The following DLGAP2 variants were observed in gnomAD, a reference collection of about 807,000 sequenced individuals.
DLGAP2 encodes DLG associated protein 2, also known as disks large-associated protein 2.
In DLGAP2, 26 loss-of-function variants were observed where a neutral mutation model predicts 100.3. The observed-to-expected ratio is 0.26, with a 90% CI of 0.19 to 0.36. DLGAP2 has a LOEUF of 0.36. DLGAP2 is among the 10% of genes least tolerant of loss of function. The pLI is 1.00. For synonymous variants in DLGAP2, 886 were observed against 630.1 expected, an observed-to-expected ratio of 1.41 and a Z score of -6.08; for missense variants, 1,858 against 1,453.2, an observed-to-expected ratio of 1.28 and a Z score of -4.53.
chr8:1,267,586 A>AATAAAATAAAATAAAATAAG (rs1314559316), intron 3 of DLGAP2, among the ~76,000 whole-genome samples: 1 of 48,426 alleles, frequency 2.1e-5, no homozygotes, highest in Non-Finnish European at 4.6e-5. Flanking sequence ...AATAAAATAA[A>AATAAAATAAAATAAAATAAG]ATAAGATAAG....
chr8:1,173,723 G>A (rs569483830), intron 2 of DLGAP2, among the ~76,000 whole-genome samples: 17 of 152,186 alleles, frequency 1.1e-4, no homozygotes, highest in Non-Finnish European at 2.2e-4. Context: ...CATTTTTTAA[G>A]CCCATCGGAA....
chr8:892,712 G>A (rs1267357275), intron 1 of DLGAP2, among the ~76,000 whole-genome samples: 5 of 152,168 alleles, frequency 3.3e-5, no homozygotes, highest in South Asian at 2.1e-4. Flanking sequence ...GGGGGAGACC[G>A]GGAACCACCA....
At chr8:1,515,257 T>G (rs1447641147) in intron 4 of DLGAP2, among the ~76,000 whole-genome samples, 1 of 152,130 alleles carries the variant, frequency 6.6e-6, no homozygotes, top group Non-Finnish European at 1.5e-5. Context: ...TGTCTTTCTT[T>G]CTTTTGAAGG....
chr8:1,096,298 G>A (rs1314680895), intron 2 of DLGAP2, among the ~76,000 whole-genome samples: 3 of 152,198 alleles, frequency 2.0e-5, no homozygotes, highest in African/African-American at 4.8e-5. Context: ...CCTCTCCCAA[G>A]GAAACTTGGA....
intron 3 of DLGAP2, among the ~76,000 whole-genome samples, chr8:1,488,799 A>G (rs1799295727): frequency 6.6e-6 from 1 of 152,212 alleles, no homozygotes; most frequent in South Asian, 2.1e-4. Flanking sequence ...AGGCAGCTGC[A>G]GTCAGTGACT....
chr8:1,491,061 A>G (rs61173080), intron 3 of DLGAP2, among the ~76,000 whole-genome samples: 1 of 104,346 alleles, frequency 9.6e-6, no homozygotes, highest in Non-Finnish European at 2.0e-5. Flanking sequence ...AAAATAAATA[A>G]AAATAAACTG....
At chr8:1,088,574 T>A (rs921945747) in intron 2 of DLGAP2, among the ~76,000 whole-genome samples, 1 of 152,146 alleles carries the variant, frequency 6.6e-6, no homozygotes, top group African/African-American at 2.4e-5. Context: ...GTAGGAAATT[T>A]AGCTGTGGCT....
At chr8:944,400 C>G (rs1044723869) in intron 2 of DLGAP2, among the ~76,000 whole-genome samples, 1 of 151,598 alleles carries the variant, frequency 6.6e-6, no homozygotes, top group South Asian at 2.1e-4. Flanking sequence ...TGTGGGTGAT[C>G]CAGCAGGTGG....
chr8:1,620,568 CTTCCTATCATA>C (rs1797300556), intron 6 of DLGAP2: 1 of 152,410 alleles, frequency 6.6e-6, no homozygotes, highest in Non-Finnish European at 1.5e-5. Context: ...ACCTGTTTTT[CTTCCTATCATA>C]GATCTTGCCT....
intron 2 of DLGAP2, among the ~76,000 whole-genome samples, chr8:999,780 G>C (rs1246848259): frequency 1.3e-5 from 2 of 152,190 alleles, no homozygotes; most frequent in African/African-American, 4.8e-5. Flanking sequence ...CACCCGGCTG[G>C]TGGTGTGGTT....
chr8:1,424,230 A>T (rs544140581), intron 3 of DLGAP2, among the ~76,000 whole-genome samples: 1 of 152,226 alleles, frequency 6.6e-6, no homozygotes, highest in African/African-American at 2.4e-5. Flanking sequence ...ATGGTTTGGC[A>T]TACGTAAGAA....
At chr8:1,548,122 G>A (rs982864257) in intron 4 of DLGAP2, among the ~76,000 whole-genome samples, 1 of 151,940 alleles carries the variant, frequency 6.6e-6, no homozygotes. Context: ...AACCATTTGG[G>A]AACATCAGTG....
intron 2 of DLGAP2, among the ~76,000 whole-genome samples, chr8:1,133,698 T>A (rs937984117): frequency 6.6e-6 from 1 of 152,244 alleles, no homozygotes; most frequent in Non-Finnish European, 1.5e-5. Context: ...CATATTAATA[T>A]TAATCATATG....
intron 1 of DLGAP2, among the ~76,000 whole-genome samples, chr8:756,619 G>A (rs1820927320): frequency 6.6e-6 from 1 of 152,034 alleles, no homozygotes; most frequent in African/African-American, 2.4e-5. Context: ...ACTCTGTTGA[G>A]TCAAGACCTA....
At chr8:1,169,362 C>T (rs79409544) in intron 2 of DLGAP2, among the ~76,000 whole-genome samples, 19,603 of 152,070 alleles carry the variant, frequency 0.13, 1,574 homozygotes, top group Admixed American at 0.22. Context: ...CTTGGCGATG[C>T]GGGCTCTTTC....
chr8:860,162 G>A (rs1432781273), intron 1 of DLGAP2, among the ~76,000 whole-genome samples: 7 of 152,200 alleles, frequency 4.6e-5, no homozygotes, highest in Non-Finnish European at 8.8e-5. Context: ...GGCTCCAGGA[G>A]CTTTCCGTAC....
At chr8:1,621,975 C>T (rs1489574890) in intron 6 of DLGAP2, 3 of 152,208 alleles carry the variant, frequency 2.0e-5, no homozygotes, top group Non-Finnish European at 2.9e-5. Context: ...AGCTCAAGAA[C>T]ACTTTTTACC....
chr8:1,646,168 G>A (rs1235069078), intron 8 of DLGAP2, among the ~76,000 whole-genome samples: 1 of 152,144 alleles, frequency 6.6e-6, no homozygotes, highest in African/African-American at 2.4e-5. Flanking sequence ...TCCCCAGTGT[G>A]GGTGGGCCAC....
At chr8:1,683,327 C>T (rs1453890985) in intron 12 of DLGAP2, among the ~76,000 whole-genome samples, 1 of 151,478 alleles carries the variant, frequency 6.6e-6, no homozygotes, top group Non-Finnish European at 1.5e-5. Flanking sequence ...AGAGTCCACG[C>T]AGAGGCAGAG....
Sources: allele counts gnomAD v4.1 joint callset (sites outside exome capture counted in the v4.1 genomes callset), GRCh38; gene constraint gnomAD v4.1.1; transcripts MANE v1.5; gene names NCBI Gene and HGNC (gene_info 2026-07-23, HGNC 2026-07-21).